WWC1: variants seen among roughly 807,000 people sequenced by gnomAD.
WWC1 encodes WW and C2 domain containing 1.
Under a neutral mutation model 138.4 loss-of-function variants are expected in WWC1, and 55 were observed. That is an observed-to-expected ratio of 0.40 (90% confidence interval 0.32 to 0.50). The LOEUF (loss-of-function observed/expected upper bound fraction) is 0.50, where lower values mean the gene tolerates loss of function less well. Among genes scored for constraint, WWC1 ranks in the 20% least tolerant of loss-of-function variants. WWC1 has a pLI of 0.72. For missense variants in WWC1, 1,226 were observed against 1,420.4 expected (o/e 0.86, Z 2.20); for synonymous variants, 524 against 564.9 (o/e 0.93, Z 1.03).
chr5:168,300,059 G>A lies in WWC1; in HGVS notation c.119+7788G>A, dbSNP rs1046163502. Among the ~76,000 whole-genome samples the A allele has an allele frequency of 3.3e-5, 5 of 152,316 alleles. 1 individual carries two copies. The highest frequency in any genetic ancestry group is 1.2e-4 in the African/African-American group (5 of 41,578). On this transcript the variant is annotated intron_variant, in intron 1 of 22. Coordinates refer to ENST00000265293, the MANE Select transcript of WWC1 (RefSeq NM_015238.3). The stretch of plus-strand genomic sequence containing the variant: ...GAAGCACCTCCACTTGGACAGGGCT[G>A]AGGGCTAGATCTGGGCAAAAAACTC...
rs763956157 is a variant in WWC1 at position 168,406,217 on chromosome 5, G to A, written c.610G>A (p.Asp204Asn). ...TCCTAGAATCGATAAGAAAATGTCT[G>A]ATGCTCAGGGCAGCTACAAACTGGA... ...TLKKIDKKMS[D>N]AQGSYKLDEA... The change falls in exon 6 of 23, where the codon GAT becomes AAT. Residue 204 changes from aspartate (D) to asparagine (N), a missense_variant. Coordinates refer to ENST00000265293, the MANE Select transcript of WWC1 (RefSeq NM_015238.3). 1.2e-6 allele frequency: 2 copies of A among 1,613,990 alleles called. No homozygotes were observed. Among genetic ancestry groups the A allele is most frequent in the Non-Finnish European group, 1.7e-6 (2 of 1,179,902 alleles).
At position 168,368,610 on chromosome 5, in the gene WWC1, A is replaced by G. The variant is rs74849679; in HGVS notation, c.120-2814A>G. On this transcript the variant is annotated intron_variant, in intron 1 of 22. Coordinates refer to ENST00000265293, the MANE Select transcript of WWC1 (RefSeq NM_015238.3). ...CCTGACCATGCCTGTTTCCCCACAG[A>G]TTGACCTGTCATCAGCCATGGAGTC... 3.5e-4 allele frequency among the ~76,000 whole-genome samples: 54 copies of G among 152,244 alleles called. 1 individual carries two copies. The East Asian group carries it at 9.8e-3, about 28-fold the overall frequency.
At chr5:168,415,443 A>G (rs779296727) in intron 9 of WWC1, 1 of 152,246 alleles carries the variant, frequency 6.6e-6, no homozygotes, top group Non-Finnish European at 1.5e-5. Context: ...CTTATTATAG[A>G]CATTGTCTTT....
chr5:168,296,053 A>C (rs116354432), intron 1 of WWC1, among the ~76,000 whole-genome samples: 2,331 of 152,244 alleles, frequency 0.015, 50 homozygotes, highest in African/African-American at 0.053. Context: ...CCTTTTGCGG[A>C]GTAACTCTGG....
At chr5:168,389,597 G>T (rs868690394) in intron 3 of WWC1, among the ~76,000 whole-genome samples, 354 of 129,148 alleles carry the variant, frequency 2.7e-3, no homozygotes, top group East Asian at 6.3e-3. Context: ...TTGAATTTTT[G>T]TTTTTTTTTT....
At chr5:168,407,963 A>G (rs962170051) in intron 6 of WWC1, among the ~76,000 whole-genome samples, 7 of 151,558 alleles carry the variant, frequency 4.6e-5, no homozygotes, top group Admixed American at 2.0e-4. Context: ...CCTGGGCTCA[A>G]GCAATCCTCC....
At chr5:168,396,660 A>G (rs2152829118) in intron 3 of WWC1, among the ~76,000 whole-genome samples, 1 of 152,356 alleles carries the variant, frequency 6.6e-6, no homozygotes, top group South Asian at 2.1e-4. Flanking sequence ...TATGAGGCTC[A>G]GAGCTTGTCG....
At chr5:168,428,178 T>G (rs1781658057) in intron 12 of WWC1, 37 bp downstream of exon 12, 9 of 1,590,752 alleles carry the variant, frequency 5.7e-6, no homozygotes, top group Non-Finnish European at 7.7e-6. Flanking sequence ...TGTGGCCCTG[T>G]AAGCCATGAA....
intron 1 of WWC1, among the ~76,000 whole-genome samples, chr5:168,318,747 A>G (rs1313374934): frequency 6.6e-6 from 1 of 151,934 alleles, no homozygotes; most frequent in African/African-American, 2.4e-5. Context: ...TTTAGTAGAG[A>G]TAGGATTTCA....
intron 15 of WWC1, among the ~76,000 whole-genome samples, chr5:168,439,340 T>A (rs1754536973): frequency 6.6e-6 from 1 of 152,106 alleles, no homozygotes; most frequent in African/African-American, 2.4e-5. Flanking sequence ...TTAAAATCTT[T>A]CGCTATTGGC....
At chr5:168,465,576 T>C (rs866438535) in intron 21 of WWC1, among the ~76,000 whole-genome samples, 2 of 136,130 alleles carry the variant, frequency 1.5e-5, no homozygotes, top group Admixed American at 1.5e-4. Flanking sequence ...TTTTTTTTTT[T>C]GGAGATGGGT....
intron 1 of WWC1, among the ~76,000 whole-genome samples, chr5:168,305,260 G>T (rs1341962806): frequency 6.6e-6 from 1 of 151,886 alleles, no homozygotes; most frequent in African/African-American, 2.4e-5. Flanking sequence ...GAGCCACTGC[G>T]CCTGGCCAAC....
Position 168,428,043 on chromosome 5 carries a change from G to A in WWC1, c.1821G>A (p.Thr607=), listed in dbSNP as rs377634275. Residue 607 remains threonine (T), a synonymous_variant, in exon 12 of 23, where the codon ACG becomes ACA. Transcript: ENST00000265293. ...EGKQLGQAVN[T]AQGCGLKVAC... Reference sequence around the variant, plus strand: ...ATTTTCCTTCCCTAGCTGTGAATACGGCCCAGGGGTGTGGCCTGAAAGTGG... The same window carrying A: ...ATTTTCCTTCCCTAGCTGTGAATACAGCCCAGGGGTGTGGCCTGAAAGTGG... 56 of 1,613,322 alleles carry A rather than the reference G, an allele frequency of 3.5e-5. No individual in the cohort carries two copies. In the Admixed American group the frequency reaches 4.5e-4, roughly 13 times the overall value.
intron 2 of WWC1, among the ~76,000 whole-genome samples, chr5:168,375,621 G>A (rs917512188): frequency 1.3e-5 from 2 of 151,896 alleles, no homozygotes; most frequent in Non-Finnish European, 2.9e-5. Context: ...TGTCGCCCAG[G>A]CTGGAGTACA....
At chr5:168,436,406 C>A (rs1782354910) in intron 15 of WWC1, among the ~76,000 whole-genome samples, 1 of 152,164 alleles carries the variant, frequency 6.6e-6, no homozygotes, top group Non-Finnish European at 1.5e-5. Flanking sequence ...TATCAGAGGG[C>A]CCAGGGCTGG....
chr5:168,331,129 G>T (rs1167214887), intron 1 of WWC1, among the ~76,000 whole-genome samples: 1 of 152,194 alleles, frequency 6.6e-6, no homozygotes, highest in South Asian at 2.1e-4. Flanking sequence ...TGGGGGCTGT[G>T]TGGATACATT....
rs761399581 is a variant in WWC1 at position 168,428,082 on chromosome 5, C to T, written c.1860C>T (p.Ala620=). 1.2e-5 allele frequency: 19 copies of T among 1,613,718 alleles called. No individual in the cohort carries two copies. Among genetic ancestry groups the T allele is most frequent in the East Asian group, 4.5e-5 (2 of 44,866 alleles). The part of the protein sequence containing the change: ...GCGLKVACVS[A]AVSDESVAGD... ...GCCTGAAAGTGGCCTGTGTCTCAGC[C>T]GCCGTATCGGACGAGTCAGTGGCTG... is the stretch of plus-strand genomic sequence containing the variant. The change falls in exon 12 of 23, where the codon GCC becomes GCT. Residue 620 remains alanine (A), a synonymous_variant. Transcript: ENST00000265293.
At chr5:168,381,566 A>C (rs1324341465) in intron 2 of WWC1, among the ~76,000 whole-genome samples, 1 of 152,090 alleles carries the variant, frequency 6.6e-6, no homozygotes, top group African/African-American at 2.4e-5. Flanking sequence ...AGAGATTGGG[A>C]TTTGATTGAT....
At chr5:168,455,245 C>T (rs777435396) in intron 18 of WWC1, 111 bp from the exon 19 acceptor site, 35 of 1,325,188 alleles carry the variant, frequency 2.6e-5, no homozygotes, top group Middle Eastern at 2.0e-4. Context: ...CTGGTTGTGT[C>T]TGTGGGAAAA....
Sources: allele counts gnomAD v4.1 joint callset (sites outside exome capture counted in the v4.1 genomes callset), GRCh38; gene constraint gnomAD v4.1.1; transcripts MANE v1.5; gene names NCBI Gene and HGNC (gene_info 2026-07-23, HGNC 2026-07-21).